The following DOCK11 variants were observed in gnomAD, a reference collection of about 807,000 sequenced individuals.
The protein encoded by DOCK11 is dedicator of cytokinesis 11, also known as dedicator of cytokinesis protein 11.
In DOCK11, 70 loss-of-function variants were observed where a neutral mutation model predicts 169.1. That is an observed-to-expected ratio of 0.41 (90% CI 0.34 to 0.51). DOCK11 has a LOEUF of 0.51. Among genes scored for constraint, DOCK11 ranks in the 20% least tolerant of loss-of-function variants. The pLI is 0.10. For missense variants in DOCK11, 1,166 were observed against 1,538.8 expected (o/e 0.76, Z 4.05); for synonymous variants, 529 against 541.3 (o/e 0.98, Z 0.32).
In DOCK11 at chrX:118,610,427, A is replaced by G; in HGVS notation, c.3096+9A>G. 1 of 1,207,533 alleles carries G rather than the reference A, an allele frequency of 8.3e-7. No individual in the cohort carries two copies. Among genetic ancestry groups the G allele is most frequent in the Non-Finnish European group, 1.1e-6 (1 of 893,740 alleles). On this transcript the variant is annotated intron_variant, in intron 28 of 52. Transcript: ENST00000276202. ...TGGCTAGCTTCCTGAAGGTGAGTTC[A>G]AGGCAGCTAGAATGTGGTAAGGAAC... is the stretch of plus-strand genomic sequence containing the variant.
At chrX:118,650,658 C>T in intron 41 of DOCK11, among the ~76,000 whole-genome samples, 1 of 111,865 alleles carries the variant, frequency 8.9e-6, no homozygotes, top group Non-Finnish European at 1.9e-5. Flanking sequence ...TATGAGATGG[C>T]ATTTGGAAAC....
At chrX:118,507,944 A>G (rs905582639) in intron 1 of DOCK11, among the ~76,000 whole-genome samples, 4 of 110,940 alleles carry the variant, frequency 3.6e-5, no homozygotes, top group East Asian at 2.8e-4. Context: ...TCCACAGTCA[A>G]TCAGGTGGAG....
chrX:118,673,068 C>T (rs929249522), intron 46 of DOCK11, among the ~76,000 whole-genome samples: 4 of 111,893 alleles, frequency 3.6e-5, no homozygotes, highest in African/African-American at 1.3e-4. Context: ...TCTGAAGAAC[C>T]TTTGTAGTAA....
At chrX:118,660,106 G>T (rs756320082) in intron 44 of DOCK11, among the ~76,000 whole-genome samples, 2 of 111,618 alleles carry the variant, frequency 1.8e-5, no homozygotes, top group Non-Finnish European at 3.8e-5. Flanking sequence ...AAGTGGGATG[G>T]TTTCTTCTAC....
chrX:118,581,172 T>C lies in DOCK11; in HGVS notation c.1595+993T>C, dbSNP rs147376699. 6.2e-3 allele frequency among the ~76,000 whole-genome samples: 691 copies of C among 112,184 alleles called. 6 individuals are homozygous for C. Among genetic ancestry groups the C allele is most frequent in the African/African-American group, 0.021 (662 of 30,846 alleles). On this transcript the variant is annotated intron_variant, in intron 14 of 52. Coordinates refer to ENST00000276202, the MANE Select transcript of DOCK11 (RefSeq NM_144658.4). ...GAAAGGACACCATGTTCTGAATAAT[T>C]CAATCAATTATGTTCAGTGGGTGCT...
chrX:118,579,722 A>G (rs899541438), intron 13 of DOCK11, among the ~76,000 whole-genome samples: 2 of 111,979 alleles, frequency 1.8e-5, no homozygotes, highest in African/African-American at 6.5e-5. Context: ...GGGAGTAGAA[A>G]GGGCAGCTGT....
intron 40 of DOCK11, among the ~76,000 whole-genome samples, chrX:118,645,206 G>T (rs1036282325): frequency 2.7e-5 from 3 of 111,146 alleles, no homozygotes; most frequent in African/African-American, 9.8e-5. Flanking sequence ...TCTGGAGAGG[G>T]ATCAGATTGG....
chrX:118,506,914 G>A (rs1367538925), intron 1 of DOCK11, among the ~76,000 whole-genome samples: 4 of 110,524 alleles, frequency 3.6e-5, no homozygotes, highest in South Asian at 3.8e-4. Flanking sequence ...CGAGACCCCC[G>A]TCTTTCCAAA....
At chrX:118,564,034 G>A (rs150763547) in intron 7 of DOCK11, among the ~76,000 whole-genome samples, 7 of 112,095 alleles carry the variant, frequency 6.2e-5, no homozygotes, top group African/African-American at 1.6e-4. Flanking sequence ...GTGAGAGAGA[G>A]TCCTGCTAGC....
intron 8 of DOCK11, 67 bp from the exon 9 acceptor site, chrX:118,566,507 A>C: frequency 1.0e-6 from 1 of 990,965 alleles, no homozygotes. Flanking sequence ...GATAGTTAGG[A>C]TACTCCTCTT....
At chrX:118,546,788 G>A (rs1054216498) in intron 6 of DOCK11, among the ~76,000 whole-genome samples, 1 of 110,874 alleles carries the variant, frequency 9.0e-6, no homozygotes, top group Non-Finnish European at 1.9e-5. Flanking sequence ...GCAGGAGTTC[G>A]AGACCAGCCT....
chrX:118,635,412 T>TAAAAAAAA, intron 35 of DOCK11, among the ~76,000 whole-genome samples: 1 of 111,592 alleles, frequency 9.0e-6, no homozygotes, highest in African/African-American at 3.3e-5. Flanking sequence ...TCTCACTAAG[T>TAAAAAAAA]AGGTGTGTTG....
At position 118,561,457 on chromosome X, in the gene DOCK11, G is replaced by A. The variant is rs780054319; in HGVS notation, c.633G>A (p.Glu211=). ...ATATTCTCAATTCCTATAAAGATGA[G>A]AAAAATTCAAAAGAATCGAAAGGTT... ...GSYILNSYKD[E]KNSKESKGCI... The change falls in exon 7 of 53, where the codon GAG becomes GAA. Residue 211 remains glutamate, a synonymous_variant. Transcript: ENST00000276202. 8.3e-7 allele frequency: 1 copy of A among 1,207,655 alleles called. No homozygotes were observed. Among genetic ancestry groups the A allele is most frequent in the Admixed American group, 2.2e-5 (1 of 45,578 alleles).
rs774477484 is a variant in DOCK11, at chrX:118,659,222, G to A, written c.4970-3464G>A. Among the ~76,000 whole-genome samples, 3 of 111,162 alleles carry A rather than the reference G, an allele frequency of 2.7e-5. No individual in the cohort carries two copies. In the South Asian group the frequency reaches 1.1e-3, roughly 42 times the overall value. On this transcript the variant is annotated intron_variant, in intron 44 of 52. Transcript: ENST00000276202. Reference sequence around the variant, plus strand: ...CCCACTTTTTTTCACGGGATAACTTGGATTCAGGGTTATGGTCTCTATCTG... The same window carrying A: ...CCCACTTTTTTTCACGGGATAACTTAGATTCAGGGTTATGGTCTCTATCTG...
chrX:118,517,716 G>A (rs929837495), intron 1 of DOCK11, among the ~76,000 whole-genome samples: 6 of 111,258 alleles, frequency 5.4e-5, no homozygotes, highest in South Asian at 7.5e-4. Context: ...TTAAAATTAG[G>A]ATGGGCTAGA....
Position 118,686,101 on chromosome X carries a change from G to A in DOCK11, c.*294G>A. ...TTATTGCTTAAAATAATGGTACTAT[G>A]TAAAATTGTATAATGGAATACAATA... On this transcript the variant is annotated 3_prime_UTR_variant, in exon 53 of 53. Coordinates refer to ENST00000276202, the MANE Select transcript of DOCK11 (RefSeq NM_144658.4). 2 of 195,284 alleles carry A rather than the reference G, an allele frequency of 1.0e-5. No individual in the cohort carries two copies. Among genetic ancestry groups the A allele is most frequent in the Non-Finnish European group, 1.9e-5 (2 of 106,536 alleles). The allele number at this position is 195,284 out of a possible 1,213,427, so 16.1% of individuals were successfully genotyped here.
chrX:118,609,435 G>T, intron 27 of DOCK11, 86 bp downstream of exon 27: 1 of 720,836 alleles, frequency 1.4e-6, no homozygotes, highest in Non-Finnish European at 2.0e-6. Flanking sequence ...GACAAAAAAA[G>T]CTAATCTTAC....
chrX:118,496,137 G>C, intron 1 of DOCK11, 64 bp downstream of exon 1: 1 of 796,268 alleles, frequency 1.3e-6, no homozygotes, highest in Non-Finnish European at 1.6e-6. Flanking sequence ...CGCGGGAAGG[G>C]GCAGGAACGG....
At chrX:118,618,164 A>T (rs931571764) in intron 30 of DOCK11, among the ~76,000 whole-genome samples, 1 of 111,959 alleles carries the variant, frequency 8.9e-6, no homozygotes, top group African/African-American at 3.2e-5. Context: ...ATTACATAGA[A>T]TTTTTCAAAT....
Sources: gnomAD v4.1 joint callset for allele counts (sites outside exome capture counted in the v4.1 genomes callset) on GRCh38, gnomAD v4.1.1 for gene constraint, MANE v1.5 for transcripts, NCBI Gene and HGNC (gene_info 2026-07-23, HGNC 2026-07-21) for gene names.